The following FABP7 variants were observed in gnomAD, a reference collection of about 807,000 sequenced individuals.
FABP7 encodes the protein fatty acid-binding protein, brain.
FABP7 carries 13 observed loss-of-function variants against 14.2 expected under a neutral mutation model. The observed-to-expected ratio is 0.91, with a 90% CI of 0.59 to 1.45. FABP7 has a LOEUF of 1.45. FABP7 is among the 40% of genes most tolerant of loss of function. The probability of loss-of-function intolerance (pLI) is 0.00; values close to 1 mark genes in which losing one functional copy is unlikely to be tolerated. For missense variants in FABP7, 149 were observed against 157.6 expected (o/e 0.95, Z 0.29); for synonymous variants, 49 against 51.4 (o/e 0.95, Z 0.20).
the FABP7 span, among the ~76,000 whole-genome samples, chr6:122,762,242 A>C: frequency 6.6e-6 from 1 of 152,204 alleles, no homozygotes; most frequent in Non-Finnish European, 1.5e-5. Flanking sequence ...CAACATACAC[A>C]AATCAATAAA....
the FABP7 span, among the ~76,000 whole-genome samples, chr6:122,761,573 CCAAA>C: frequency 1.3e-5 from 2 of 152,036 alleles, no homozygotes; most frequent in South Asian, 2.1e-4. Context: ...AGTACTAGAT[CCAAA>C]CAGACTTATG....
chr6:122,773,470 G>C, the FABP7 span, among the ~76,000 whole-genome samples: 1 of 152,142 alleles, frequency 6.6e-6, no homozygotes, highest in African/African-American at 2.4e-5. Flanking sequence ...GCCAACCCTT[G>C]AGTTGACCAC....
the FABP7 span, among the ~76,000 whole-genome samples, chr6:122,763,355 G>C: frequency 1.3e-5 from 2 of 152,212 alleles, no homozygotes; most frequent in Admixed American, 1.3e-4. Flanking sequence ...GCTGAAACTG[G>C]ATCCCTTCCT....
chr6:122,762,697 AG>A, the FABP7 span, among the ~76,000 whole-genome samples: 1 of 152,264 alleles, frequency 6.6e-6, no homozygotes, highest in African/African-American at 2.4e-5. Flanking sequence ...GCAAAGTCTC[AG>A]GATACAAAAT....
chr6:122,774,359 C>CAAAAAAA, the FABP7 span, among the ~76,000 whole-genome samples: 7 of 66,618 alleles, frequency 1.1e-4, no homozygotes, highest in East Asian at 5.1e-4. Context: ...TAGACTCTGT[C>CAAAAAAA]AAAAAAAAAA....
chr6:122,782,429 C>A, intron 3 of FABP7: 1 of 720,002 alleles, frequency 1.4e-6, no homozygotes, highest in Non-Finnish European at 1.7e-6. Flanking sequence ...TACTCTGATC[C>A]ATTTCTGACT....
At chr6:122,751,469 G>T in the FABP7 span, among the ~76,000 whole-genome samples, 3 of 152,148 alleles carry the variant, frequency 2.0e-5, no homozygotes, top group African/African-American at 4.8e-5. Context: ...CATCTATGCC[G>T]AGAAGTCTTC....
At chr6:122,781,798 G>T (rs1006614335) in intron 3 of FABP7, 4 of 741,202 alleles carry the variant, frequency 5.4e-6, no homozygotes, top group African/African-American at 1.9e-5. Flanking sequence ...TGGAGTGCAG[G>T]GGGTGCATTC....
the FABP7 span, among the ~76,000 whole-genome samples, chr6:122,749,417 A>G: frequency 2.0e-5 from 3 of 152,208 alleles, no homozygotes; most frequent in Admixed American, 6.5e-5. Flanking sequence ...CATAATGATA[A>G]TAGTGAAAAT....
At chr6:122,770,139 C>T in the FABP7 span, among the ~76,000 whole-genome samples, 1 of 152,024 alleles carries the variant, frequency 6.6e-6, no homozygotes, top group African/African-American at 2.4e-5. Context: ...ATATATTTCA[C>T]TCATCTGGAG....
At chr6:122,776,458 C>CA (rs1312255891), upstream of FABP7, among the ~76,000 whole-genome samples, 3 of 151,464 alleles carry the variant, frequency 2.0e-5, no homozygotes, top group Admixed American at 1.3e-4. Flanking sequence ...ATGTGGGAGC[C>CA]AAAAAAAATC....
the FABP7 span, among the ~76,000 whole-genome samples, chr6:122,768,829 A>G: frequency 1.3e-5 from 2 of 152,132 alleles, no homozygotes; most frequent in African/African-American, 4.8e-5. Context: ...TCATGGATTA[A>G]CAGGTGTCAA....
the FABP7 span, among the ~76,000 whole-genome samples, chr6:122,767,005 T>C: frequency 6.6e-6 from 1 of 152,002 alleles, no homozygotes; most frequent in Non-Finnish European, 1.5e-5. Context: ...AAGACAACAT[T>C]TTCAGTAGTC....
chr6:122,779,040 A>T (rs532598752), upstream of FABP7, among the ~76,000 whole-genome samples: 1 of 152,256 alleles, frequency 6.6e-6, no homozygotes, highest in African/African-American at 2.4e-5. Flanking sequence ...TTTAGAAAGG[A>T]CAACGGGATC....
At chr6:122,752,980 C>G in the FABP7 span, among the ~76,000 whole-genome samples, 1 of 152,006 alleles carries the variant, frequency 6.6e-6, no homozygotes, top group Non-Finnish European at 1.5e-5. Flanking sequence ...TTTAAGAGTC[C>G]CAGCTAAAGA....
At chr6:122,778,749 C>T (rs1316583847), upstream of FABP7, among the ~76,000 whole-genome samples, 1 of 152,168 alleles carries the variant, frequency 6.6e-6, no homozygotes, top group Non-Finnish European at 1.5e-5. Context: ...TGATTCCTAC[C>T]GCTCCTCCAG....
chr6:122,757,998 C>A, the FABP7 span, among the ~76,000 whole-genome samples: 2 of 151,424 alleles, frequency 1.3e-5, no homozygotes, highest in Admixed American at 6.6e-5. Flanking sequence ...ACAGAGTGAA[C>A]AATGGACAGG....
chr6:122,756,837 G>T, the FABP7 span, among the ~76,000 whole-genome samples: 3 of 152,150 alleles, frequency 2.0e-5, no homozygotes, highest in African/African-American at 7.2e-5. Context: ...TCCTTAGAGC[G>T]CTTCTTCCTT....
At chr6:122,769,980 T>C in the FABP7 span, among the ~76,000 whole-genome samples, 1 of 152,164 alleles carries the variant, frequency 6.6e-6, no homozygotes, top group Non-Finnish European at 1.5e-5. Context: ...CAGATTTCAA[T>C]GGCCCGCTTG....
Sources: allele counts gnomAD v4.1 joint callset (sites outside exome capture counted in the v4.1 genomes callset), GRCh38; gene constraint gnomAD v4.1.1; transcripts MANE v1.5; gene names NCBI Gene and HGNC (gene_info 2026-07-23, HGNC 2026-07-21).